ZFYVE9: variants seen among roughly 807,000 people sequenced by gnomAD.
ZFYVE9 encodes the protein zinc finger FYVE domain-containing protein 9.
A neutral mutation model predicts 126.7 loss-of-function variants in ZFYVE9; 43 were observed. That is an observed-to-expected ratio of 0.34 (90% confidence interval 0.27 to 0.44). The LOEUF (loss-of-function observed/expected upper bound fraction) is 0.44, where lower values mean the gene tolerates loss of function less well. ZFYVE9 is among the 20% of genes least tolerant of loss of function. The pLI is 1.00. For missense variants in ZFYVE9, 1,476 were observed against 1,697.0 expected (o/e 0.87, Z 2.29); for synonymous variants, 521 against 597.4 (o/e 0.87, Z 1.87).
intron 9 of ZFYVE9, among the ~76,000 whole-genome samples, chr1:52,279,734 G>A (rs1237914715): frequency 3.3e-5 from 5 of 152,122 alleles, no homozygotes; most frequent in Non-Finnish European, 7.4e-5. Flanking sequence ...CTCCCAAAGT[G>A]CTGGGATTAC....
At chr1:52,289,595 A>G (rs1320658462) in intron 10 of ZFYVE9, among the ~76,000 whole-genome samples, 1 of 152,210 alleles carries the variant, frequency 6.6e-6, no homozygotes, top group Non-Finnish European at 1.5e-5. Context: ...ATAAATTAGT[A>G]CATTACAGAC....
At chr1:52,204,841 T>C (rs997241162) in intron 1 of ZFYVE9, among the ~76,000 whole-genome samples, 1 of 152,218 alleles carries the variant, frequency 6.6e-6, no homozygotes, top group African/African-American at 2.4e-5. Flanking sequence ...CTGTGAGATC[T>C]AGGTCAAGCT....
intron 3 of ZFYVE9, among the ~76,000 whole-genome samples, chr1:52,236,727 A>G (rs773787526): frequency 1.3e-4 from 20 of 152,214 alleles, no homozygotes; most frequent in South Asian, 2.1e-4. Flanking sequence ...TAATATAAAT[A>G]TGAACCTGAT....
intron 13 of ZFYVE9, among the ~76,000 whole-genome samples, chr1:52,323,670 T>C (rs1034640027): frequency 1.3e-5 from 2 of 152,070 alleles, no homozygotes; most frequent in African/African-American, 2.4e-5. Context: ...TCCCAGCACA[T>C]TGGGAGGCCA....
At chr1:52,261,635 T>C (rs1645581298) in intron 4 of ZFYVE9, among the ~76,000 whole-genome samples, 1 of 152,214 alleles carries the variant, frequency 6.6e-6, no homozygotes, top group Non-Finnish European at 1.5e-5. Flanking sequence ...TTTAACATTA[T>C]TAGATTTATT....
At chr1:52,306,615 GAGA>G (rs1416542390) in intron 13 of ZFYVE9, among the ~76,000 whole-genome samples, 1 of 152,238 alleles carries the variant, frequency 6.6e-6, no homozygotes, top group Non-Finnish European at 1.5e-5. Context: ...TGCAAGTGAA[GAGA>G]AGGAGAGAAG....
chr1:52,251,446 A>G (rs1473273187), intron 4 of ZFYVE9, among the ~76,000 whole-genome samples: 1 of 151,906 alleles, frequency 6.6e-6, no homozygotes, highest in Non-Finnish European at 1.5e-5. Flanking sequence ...TTCTGTATGA[A>G]TTGAGATGAT....
intron 4 of ZFYVE9, among the ~76,000 whole-genome samples, chr1:52,256,974 G>A (rs1226306250): frequency 5.9e-5 from 9 of 152,090 alleles, no homozygotes. Flanking sequence ...TGAAGACCTG[G>A]GACATCATTT....
intron 4 of ZFYVE9, among the ~76,000 whole-genome samples, chr1:52,242,324 G>A (rs986773109): frequency 2.0e-5 from 3 of 152,072 alleles, no homozygotes; most frequent in Admixed American, 6.6e-5. Context: ...GAGCCACTGC[G>A]CCTGGCCAAT....
At chr1:52,256,097 G>C (rs961065657) in intron 4 of ZFYVE9, among the ~76,000 whole-genome samples, 1 of 136,248 alleles carries the variant, frequency 7.3e-6, no homozygotes, top group Non-Finnish European at 1.5e-5. Context: ...ATGGAGTCTC[G>C]CTCTGTCTTC....
intron 12 of ZFYVE9, among the ~76,000 whole-genome samples, chr1:52,298,493 A>G (rs1445790470): frequency 6.6e-6 from 1 of 152,022 alleles, no homozygotes; most frequent in East Asian, 1.9e-4. Flanking sequence ...TCTATTCTGT[A>G]CTGTTGGAGT....
At chr1:52,155,234 C>CTTT (rs202048189) in intron 1 of ZFYVE9, among the ~76,000 whole-genome samples, 13 of 129,084 alleles carry the variant, frequency 1.0e-4, no homozygotes, top group African/African-American at 1.5e-4. Context: ...TCTTTTTTTT[C>CTTT]TTTTTTTTTT....
intron 10 of ZFYVE9, among the ~76,000 whole-genome samples, chr1:52,290,903 G>C (rs1645913055): frequency 6.6e-6 from 1 of 151,982 alleles, no homozygotes; most frequent in African/African-American, 2.4e-5. Flanking sequence ...ATTTAATATA[G>C]TTTCTCCTCC....
At chr1:52,307,817 T>C (rs191377209) in intron 13 of ZFYVE9, among the ~76,000 whole-genome samples, 199 of 151,766 alleles carry the variant, frequency 1.3e-3, no homozygotes, top group African/African-American at 4.4e-3. Flanking sequence ...AGTGGAGCGA[T>C]CTCGGCTCAC....
chr1:52,287,888 A>G (rs1645878282), intron 10 of ZFYVE9, among the ~76,000 whole-genome samples: 1 of 151,946 alleles, frequency 6.6e-6, no homozygotes, highest in African/African-American at 2.4e-5. Flanking sequence ...ATAATATGTC[A>G]TGGTTCATGT....
chr1:52,304,815 T>C (rs1646067459), intron 13 of ZFYVE9, among the ~76,000 whole-genome samples: 1 of 152,110 alleles, frequency 6.6e-6, no homozygotes. Flanking sequence ...TTAAGGATAT[T>C]AGAAAATAGT....
Position 52,263,763 on chromosome 1 carries a change from C to A in ZFYVE9, c.2179-10C>A, listed in dbSNP as rs377487057. 89 of 995,188 alleles carry A rather than the reference C, an allele frequency of 8.9e-5. 11 individuals carry two copies. The Middle Eastern group carries it at 3.8e-3, about 43-fold the overall frequency. The allele number at this position is 995,188 out of a possible 1,614,324, so 61.6% of individuals were successfully genotyped here. A position where few individuals can be genotyped will look rare whatever the true frequency, so the allele number is the denominator to read the frequency against. On this transcript the variant is annotated splice_polypyrimidine_tract_variant and intron_variant, in intron 4 of 18. Coordinates refer to ENST00000287727, the MANE Select transcript of ZFYVE9 (RefSeq NM_004799.4). Reference sequence around the variant, plus strand: ...AATTTTGTGTGTTCTTCCCCCCCCCCCCCCCACAGGTTTTCTGTGCTTCCT... The same window carrying A: ...AATTTTGTGTGTTCTTCCCCCCCCCACCCCCACAGGTTTTCTGTGCTTCCT...
intron 1 of ZFYVE9, among the ~76,000 whole-genome samples, chr1:52,208,055 C>T (rs968666151): frequency 2.6e-5 from 4 of 152,108 alleles, no homozygotes; most frequent in African/African-American, 4.8e-5. Context: ...GTATGGTGGC[C>T]CATGCCTGTA....
chr1:52,265,342 G>A (rs1645623495), intron 5 of ZFYVE9, among the ~76,000 whole-genome samples: 1 of 151,948 alleles, frequency 6.6e-6, no homozygotes, highest in Admixed American at 6.6e-5. Flanking sequence ...TTTGTTACTA[G>A]CCTTGTCTTG....
Sources: gnomAD v4.1 joint callset for allele counts (sites outside exome capture counted in the v4.1 genomes callset) on GRCh38, gnomAD v4.1.1 for gene constraint, MANE v1.5 for transcripts, NCBI Gene and HGNC (gene_info 2026-07-23, HGNC 2026-07-21) for gene names.